The following APOL4 variants were observed in gnomAD, a reference collection of about 807,000 sequenced individuals.
APOL4 encodes apolipoprotein L, 4.
APOL4 carries 14 observed loss-of-function variants against 12.1 expected under a neutral mutation model. That is an observed-to-expected ratio of 1.16 (90% CI 0.76 to 1.81). The LOEUF (loss-of-function observed/expected upper bound fraction) is 1.81, where lower values mean the gene tolerates loss of function less well. APOL4 is among the 40% of genes most tolerant of loss of function. The pLI, the probability that APOL4 is intolerant of heterozygous loss-of-function variation, is 0.00. For missense variants in APOL4, 432 were observed against 423.1 expected (o/e 1.02, Z -0.18); for synonymous variants, 171 against 160.6 (o/e 1.06, Z -0.49).
chr22:36,198,113 G>A (rs959765377), intron 2 of APOL4, among the ~76,000 whole-genome samples: 5 of 152,116 alleles, frequency 3.3e-5, no homozygotes, highest in Non-Finnish European at 5.9e-5. Context: ...TTCTGAGTCC[G>A]CCTGCACTCC....
chr22:36,199,345 C>T lies in APOL4; in HGVS notation c.67G>A (p.Ala23Thr), dbSNP rs1477178521. Residue 23 changes from alanine (A) to threonine (T), a missense_variant, in exon 2 of 4, where the codon GCT (alanine) becomes ACT (threonine). Transcript: ENST00000683024. ...AAAGGCTTACCTTGGAACTGTCCAG[C>T]CACTGTCCAGCCTGGATGGTTTTGC... ...VQQNHPGWTV[A>T]GQFQEKKRFT... is the part of the protein sequence containing the mutation. 4 of 1,613,994 alleles carry T rather than the reference C, an allele frequency of 2.5e-6. No homozygotes were observed. The highest frequency in any genetic ancestry group is 1.1e-5 in the South Asian group (1 of 91,092).
chr22:36,198,391 C>A (rs966997183), intron 2 of APOL4, among the ~76,000 whole-genome samples: 2 of 152,238 alleles, frequency 1.3e-5, no homozygotes, highest in Non-Finnish European at 2.9e-5. Flanking sequence ...TTGTCTTCCA[C>A]AGTTTTTCAT....
At chr22:36,192,946 G>T (rs1040346360) in intron 3 of APOL4, among the ~76,000 whole-genome samples, 2 of 152,176 alleles carry the variant, frequency 1.3e-5, no homozygotes, top group Non-Finnish European at 2.9e-5. Flanking sequence ...AACTTCAGTT[G>T]GGCGGTTCTG....
At chr22:36,191,974 A>G (rs1409667476) in intron 3 of APOL4, 62 bp from the exon 4 acceptor site, 17 of 1,328,420 alleles carry the variant, frequency 1.3e-5, no homozygotes, top group Non-Finnish European at 1.7e-5. Flanking sequence ...AATGAGCTCA[A>G]TAAGATCTAT....
chr22:36,193,095 T>G (rs779409370), intron 3 of APOL4, among the ~76,000 whole-genome samples: 1 of 152,186 alleles, frequency 6.6e-6, no homozygotes, highest in African/African-American at 2.4e-5. Flanking sequence ...TGAGCACACT[T>G]GCTCTCTGAT....
intron 2 of APOL4, chr22:36,197,659 C>G: frequency 6.5e-7 from 1 of 1,549,600 alleles, no homozygotes; most frequent in South Asian, 1.2e-5. Flanking sequence ...ACAAACACAG[C>G]TTAACCTCGG....
intron 3 of APOL4, 135 bp downstream of exon 3, chr22:36,195,176 A>C (rs892208013): frequency 1.6e-5 from 18 of 1,155,834 alleles, no homozygotes; most frequent in Non-Finnish European, 2.2e-5. Context: ...TTCTTCCTGC[A>C]CTGCTGAGAG....
chr22:36,197,944 C>T, intron 2 of APOL4: 1 of 1,384,254 alleles, frequency 7.2e-7, no homozygotes, highest in Non-Finnish European at 9.4e-7. Context: ...CCCACACCCA[C>T]CTGTGCCACA....
At chr22:36,201,949 C>G, upstream of APOL4, 1 of 1,613,906 alleles carries the variant, frequency 6.2e-7, no homozygotes, top group Non-Finnish European at 8.5e-7. Flanking sequence ...GCAGCCCAGA[C>G]AGGGAGCCCT....
chr22:36,202,763 G>A (rs1230048201), upstream of APOL4, among the ~76,000 whole-genome samples: 2 of 151,682 alleles, frequency 1.3e-5, no homozygotes, highest in Non-Finnish European at 2.9e-5. Context: ...AGAAAAATAA[G>A]ACCACGACTC....
chr22:36,190,826 G>C lies in APOL4; in HGVS notation c.*249C>G. On this transcript the variant is annotated 3_prime_UTR_variant, in exon 4 of 4. Coordinates refer to ENST00000683024, the MANE Select transcript of APOL4 (RefSeq NM_001386885.1). Reference sequence around the variant, plus strand: ...TGACATACATCCTCCTCAGCTGACAGGATTAGGAGATTAAAGTAAAGACAG... The same window carrying C: ...TGACATACATCCTCCTCAGCTGACACGATTAGGAGATTAAAGTAAAGACAG... The C allele has an allele frequency of 2.1e-6, 1 of 486,592 alleles. No homozygotes were observed. Among genetic ancestry groups the C allele is most frequent in the Non-Finnish European group, 3.7e-6 (1 of 269,894 alleles). The allele number at this position is 486,592 out of a possible 1,614,324, so 30.1% of individuals were successfully genotyped here.
chr22:36,197,315 G>A (rs1368148576), intron 2 of APOL4: 5 of 243,270 alleles, frequency 2.1e-5, no homozygotes, highest in Admixed American at 5.3e-5. Flanking sequence ...ACTCTGTAAG[G>A]GGAGGAAGCC....
At chr22:36,197,582 AC>A in intron 2 of APOL4, 3 of 1,466,044 alleles carry the variant, frequency 2.0e-6, no homozygotes, top group Admixed American at 5.0e-5. Context: ...AACAGCTGTA[AC>A]CCCCCATGAA....
rs757838651 is a variant in APOL4, at chr22:36,195,397, C to T, written c.123G>A (p.Gln41=). 1 of 1,613,938 alleles carries T rather than the reference C, an allele frequency of 6.2e-7. No individual in the cohort carries two copies. Among genetic ancestry groups the T allele is most frequent in the Non-Finnish European group, 8.5e-7 (1 of 1,179,832 alleles). Residue 41 remains glutamine, a synonymous_variant, in exon 3 of 4, where the codon CAG becomes CAA. Transcript: ENST00000683024. ...TCAGATGCACTGGGCTAACTTTCTT[C>T]TGGAAGTATTCAATGACTTCTTCAG... ...RFTEEVIEYF[Q]KKVSPVHLKI...
chr22:36,191,739 T>C lies in APOL4; in HGVS notation c.383A>G (p.Asn128Ser). ...GCCTCTGTGGACCTTTTCAATCTCATTTGCAATGACACGAAGCCTTTCTAT... is the reference window on the plus strand; with the variant it reads ...GCCTCTGTGGACCTTTTCAATCTCACTTGCAATGACACGAAGCCTTTCTAT... ...ESIERLRVIA[N>S]EIEKVHRGCV... Residue 128 changes from asparagine to serine, a missense_variant, in exon 4 of 4, where the codon AAT (asparagine) becomes AGT (serine). Asn to Ser is a conservative substitution (Grantham distance 46). Transcript: ENST00000683024. 6.2e-7 allele frequency: 1 copy of C among 1,614,036 alleles called. No individual in the cohort carries two copies. The highest frequency in any genetic ancestry group is 1.7e-5 in the Admixed American group (1 of 60,030).
intron 2 of APOL4, among the ~76,000 whole-genome samples, chr22:36,195,770 TCTCTCTCACACACACACA>T (rs1481129845): frequency 1.1e-5 from 1 of 90,150 alleles, no homozygotes; most frequent in African/African-American, 4.4e-5. Context: ...TCTCTCTCTC[TCTCTCTCACACACACACA>T]CACACACACA....
upstream of APOL4, chr22:36,202,015 T>C: frequency 4.3e-6 from 7 of 1,614,158 alleles, no homozygotes; most frequent in Non-Finnish European, 5.9e-6. Context: ...ACAAAGATTT[T>C]CAGCAAAGCA....
intron 2 of APOL4, among the ~76,000 whole-genome samples, chr22:36,195,871 A>G (rs1236391326): frequency 6.6e-6 from 1 of 151,642 alleles, no homozygotes; most frequent in Non-Finnish European, 1.5e-5. Flanking sequence ...GTAAGCCAGG[A>G]GCAGAGCCCT....
rs1293353711 is a variant in APOL4, at chr22:36,189,299, GGATGTTTGGAT to G, written c.*1765_*1775del. ...TTGGTTGGTTCTCAGATACTCTCCAGGATGTTTGGATTCTCAGAGACACCTGGTCCTCAGCT... is the reference window on the plus strand; with the variant it reads ...TTGGTTGGTTCTCAGATACTCTCCAGTCTCAGAGACACCTGGTCCTCAGCT... On this transcript the variant is annotated 3_prime_UTR_variant, in exon 4 of 4. Transcript: ENST00000683024. 1 of 152,190 alleles carries G rather than the reference GGATGTTTGGAT, an allele frequency of 6.6e-6. No individual in the cohort carries two copies. The highest frequency in any genetic ancestry group is 2.4e-5 in the African/African-American group (1 of 41,422). 9.4% of individuals were successfully genotyped at this position (152,190 alleles called of 1,614,324 possible).
Sources: allele counts gnomAD v4.1 joint callset (sites outside exome capture counted in the v4.1 genomes callset), GRCh38; gene constraint gnomAD v4.1.1; transcripts MANE v1.5; gene names NCBI Gene and HGNC (gene_info 2026-07-23, HGNC 2026-07-21).